The following ARSA variants were observed in gnomAD, a reference collection of about 807,000 sequenced individuals.
ARSA encodes cerebroside-sulfatase.
A neutral mutation model predicts 37.8 loss-of-function variants in ARSA; 32 were observed. That is an observed-to-expected ratio of 0.85 (90% CI 0.64 to 1.14). ARSA has a LOEUF of 1.14. Among genes scored for constraint, ARSA ranks in the 50% most tolerant of loss-of-function variants. The probability of loss-of-function intolerance (pLI) is 0.00; values close to 1 mark genes in which losing one functional copy is unlikely to be tolerated. For missense variants in ARSA, 685 were observed against 686.3 expected (o/e 1.00, Z 0.02); for synonymous variants, 303 against 303.4 (o/e 1.00, Z 0.01).
intron 4 of ARSA, 133 bp from the exon 5 acceptor site, chr22:50,626,411 C>T: frequency 6.7e-7 from 1 of 1,502,484 alleles, no homozygotes; most frequent in Non-Finnish European, 9.0e-7. Flanking sequence ...CCTCCCAGGC[C>T]TACCAAGACC....
chr22:50,626,624 T>C lies in ARSA; in HGVS notation c.821A>G (p.Glu274Gly). Residue 274 changes from glutamate (E) to glycine (G), a missense_variant, in exon 4 of 8, where the codon GAA (glutamate) becomes GGA (glycine). Coordinates refer to ENST00000216124, the MANE Select transcript of ARSA (RefSeq NM_000487.6). ...MTAIGDLGLL[E>G]ETLVIFTADN... is the part of the protein sequence containing the mutation. ...TGCAGTGAAGATGACCAGCGTCTCT[T>C]CAAGCAGCCCCAGGTCCCCTATGGC... is the stretch of plus-strand genomic sequence containing the variant. 6.2e-7 allele frequency: 1 copy of C among 1,613,944 alleles called. No homozygotes were observed. Among genetic ancestry groups the C allele is most frequent in the South Asian group, 1.1e-5 (1 of 91,086 alleles).
At position 50,627,901 on chromosome 22, in the gene ARSA, G is replaced by T; in HGVS notation, c.-122C>A. On this transcript the variant is annotated 5_prime_UTR_variant, in exon 1 of 8. Coordinates refer to ENST00000216124, the MANE Select transcript of ARSA (RefSeq NM_000487.6). Reference sequence around the variant, plus strand: ...CCGGACCCAAATACTCCCCGACCCTGACGGCCGCCTCCTGAAGCTCCAGAG... The same window carrying T: ...CCGGACCCAAATACTCCCCGACCCTTACGGCCGCCTCCTGAAGCTCCAGAG... The T allele has an allele frequency of 1.0e-6, 1 of 990,402 alleles. No individual in the cohort carries two copies. Among genetic ancestry groups the T allele is most frequent in the Non-Finnish European group, 1.5e-6 (1 of 685,648 alleles). The allele number at this position is 990,402 out of a possible 1,614,324, so 61.4% of individuals were successfully genotyped here.
chr22:50,626,494 C>A, intron 4 of ARSA, 97 bp downstream of exon 4: 1 of 1,574,298 alleles, frequency 6.4e-7, no homozygotes, highest in South Asian at 1.1e-5. Context: ...CTGGCACCCC[C>A]TCACCCACTA....
In ARSA at chr22:50,627,033, G is replaced by C. The variant is rs775002035; in HGVS notation, c.485C>G (p.Thr162Ser). 3 of 1,608,694 alleles carry C rather than the reference G, an allele frequency of 1.9e-6. No homozygotes were observed. The Admixed American group carries it at 5.0e-5, about 27-fold the overall frequency. ...SHDQGPCQNLTCFPPATPCDG... is the reference protein window; with the variant it reads ...SHDQGPCQNLSCFPPATPCDG... ...GCAAGGAGTGGCCGGCGGGAAGCAG[G>C]TCAGGTTCTGGCAGGGGCCCTGAGG... is the stretch of plus-strand genomic sequence containing the variant. The change falls in exon 3 of 8, where the codon ACC (threonine) becomes AGC (serine). Residue 162 changes from threonine (T) to serine (S), a missense_variant. Coordinates refer to ENST00000216124, the MANE Select transcript of ARSA (RefSeq NM_000487.6).
intron 6 of ARSA, 101 bp downstream of exon 6, chr22:50,625,835 G>A: frequency 6.5e-7 from 1 of 1,532,898 alleles, no homozygotes; most frequent in Middle Eastern, 2.0e-4. Flanking sequence ...ACTCAGTGCA[G>A]GAGGCACTGA....
Position 50,625,070 on chromosome 22 carries a change from C to T in ARSA, c.*75G>A, listed in dbSNP as rs1291233851. 3.5e-6 allele frequency: 5 copies of T among 1,425,634 alleles called. No homozygotes were observed. The East Asian group carries it at 7.5e-5, about 21-fold the overall frequency. The allele number at this position is 1,425,634 out of a possible 1,614,324, so 88.3% of individuals were successfully genotyped here. On this transcript the variant is annotated 3_prime_UTR_variant, in exon 8 of 8. Transcript: ENST00000216124. Reference sequence around the variant, plus strand: ...GTTATTACGTTATCAGGCACAAACCCCCTCCAGACACCTGAGCCTCCCCCA... The same window carrying T: ...GTTATTACGTTATCAGGCACAAACCTCCTCCAGACACCTGAGCCTCCCCCA...
Position 50,624,562 on chromosome 22 carries a change from C to T in ARSA, c.*583G>A, listed in dbSNP as rs2082632792. Among the ~76,000 whole-genome samples, 1 of 152,160 alleles carries T rather than the reference C, an allele frequency of 6.6e-6. No individual in the cohort carries two copies. The highest frequency in any genetic ancestry group is 1.5e-5 in the Non-Finnish European group (1 of 68,020). ...CTAGGAGCCAGCAGGGGCTCCAGGC[C>T]CCTTAGCCCCACCTGGAGTGTGCAA... is the stretch of plus-strand genomic sequence containing the variant. On this transcript the variant is annotated 3_prime_UTR_variant, in exon 8 of 8. Transcript: ENST00000216124.
In ARSA at chr22:50,625,592, G is replaced by A. The variant is rs752206330; in HGVS notation, c.1197C>T (p.His399=). Residue 399 remains histidine (H), a synonymous_variant, in exon 7 of 8, where the codon CAC becomes CAT. Transcript: ENST00000216124. ...FAVRTGKYKA[H]FFTQGSAHSD... ...GGGAGGGGTTACCCTGGGTGAAGAA[G>A]TGAGCCTTGTACTTTCCAGTCCGCA... 6 of 1,613,538 alleles carry A rather than the reference G, an allele frequency of 3.7e-6. No homozygotes were observed. The highest frequency in any genetic ancestry group is 5.1e-6 in the Non-Finnish European group (6 of 1,179,934).
rs115593886 is a variant in ARSA, at chr22:50,624,368, G to A, written c.*777C>T. 6.6e-6 allele frequency among the ~76,000 whole-genome samples: 1 copy of A among 152,234 alleles called. No homozygotes were observed. The highest frequency in any genetic ancestry group is 1.5e-5 in the Non-Finnish European group (1 of 68,050). Reference sequence around the variant, plus strand: ...TTACAGGCGTGAGCCACCGTGCCCAGCCAACAGATATTTTTAAGAGATCAC... The same window carrying A: ...TTACAGGCGTGAGCCACCGTGCCCAACCAACAGATATTTTTAAGAGATCAC... On this transcript the variant is annotated 3_prime_UTR_variant, in exon 8 of 8. Transcript: ENST00000216124.
chr22:50,627,379 C>G lies in ARSA; in HGVS notation c.252G>C (p.Pro84=). 1.2e-6 allele frequency: 2 copies of G among 1,605,922 alleles called. No homozygotes were observed. Among genetic ancestry groups the G allele is most frequent in the African/African-American group, 1.3e-5 (1 of 75,008 alleles). The change falls in exon 2 of 8, where the codon CCG becomes CCC. Residue 84 remains proline (P), a synonymous_variant. Coordinates refer to ENST00000216124, the MANE Select transcript of ARSA (RefSeq NM_000487.6). ...CGCCAGGGTACATGCCCATCCGAAC[C>G]GGGAGCCGGCCGGTCAGGAGGGCGG... ...SRAALLTGRL[P]VRMGMYPGVL...
Position 50,625,009 on chromosome 22 carries a change from T to C in ARSA, c.*136A>G. 1.8e-6 allele frequency: 2 copies of C among 1,088,844 alleles called. No homozygotes were observed. Among genetic ancestry groups the C allele is most frequent in the Non-Finnish European group, 2.5e-6 (2 of 785,938 alleles). 67.4% of individuals were successfully genotyped at this position (1,088,844 alleles called of 1,614,324 possible). A position where few individuals can be genotyped will look rare whatever the true frequency, so the allele number is the denominator to read the frequency against. ...ACCAGCACACAGCATTACCCCAGGATTGGACGAATTGTCACATCTGCAAGT... is the reference window on the plus strand; with the variant it reads ...ACCAGCACACAGCATTACCCCAGGACTGGACGAATTGTCACATCTGCAAGT... On this transcript the variant is annotated 3_prime_UTR_variant, in exon 8 of 8. Coordinates refer to ENST00000216124, the MANE Select transcript of ARSA (RefSeq NM_000487.6).
Position 50,624,998 on chromosome 22 carries a change from T to C in ARSA, c.*147A>G. The C allele has an allele frequency of 1.0e-6, 1 of 999,448 alleles. No individual in the cohort carries two copies. Among genetic ancestry groups the C allele is most frequent in the Non-Finnish European group, 1.4e-6 (1 of 706,104 alleles). 61.9% of individuals were successfully genotyped at this position (999,448 alleles called of 1,614,324 possible). ...AGGGGACCGGCACCAGCACACAGCA[T>C]TACCCCAGGATTGGACGAATTGTCA... On this transcript the variant is annotated 3_prime_UTR_variant, in exon 8 of 8. Coordinates refer to ENST00000216124, the MANE Select transcript of ARSA (RefSeq NM_000487.6).
At position 50,628,077 on chromosome 22, in the gene ARSA, G is replaced by C. The variant is rs1380116336; in HGVS notation, c.-298C>G. 5 of 418,356 alleles carry C rather than the reference G, an allele frequency of 1.2e-5. No individual in the cohort carries two copies. Among genetic ancestry groups the C allele is most frequent in the Non-Finnish European group, 1.3e-5 (3 of 226,042 alleles). 25.9% of individuals were successfully genotyped at this position (418,356 alleles called of 1,614,324 possible). ...GGCGTAAGTCACTTGGCGCTGACCAGCGGAGTCGGGCCGGGGGGAAGGCGC... is the reference window on the plus strand; with the variant it reads ...GGCGTAAGTCACTTGGCGCTGACCACCGGAGTCGGGCCGGGGGGAAGGCGC... On this transcript the variant is annotated 5_prime_UTR_variant, in exon 1 of 8. Transcript: ENST00000216124.
At chr22:50,627,452 C>T in intron 1 of ARSA, 46 bp from the exon 2 acceptor site, 1 of 1,606,094 alleles carries the variant, frequency 6.2e-7, no homozygotes, top group Admixed American at 1.7e-5. Flanking sequence ...GAAATGTGGC[C>T]TTCCCTAGAG....
Position 50,626,877 on chromosome 22 carries a change from G to A in ARSA, c.641C>T (p.Ala214Val), listed in dbSNP as rs74315467. 8.7e-5 allele frequency: 141 copies of A among 1,613,354 alleles called. No homozygotes were observed. Among genetic ancestry groups the A allele is most frequent in the Non-Finnish European group, 1.2e-4 (137 of 1,179,862 alleles). ...MAFAHDLMAD[A>V]QRQDRPFFLY... ...GAAGAAGGGGCGATCCTGGCGCTGG[G>A]CGTCGGCCATGAGGTCATGGGCGAA... The change falls in exon 3 of 8, where the codon GCC becomes GTC. Residue 214 changes from alanine (A) to valine (V), a missense_variant. Ala to Val is a moderately conservative substitution (Grantham distance 64, BLOSUM62 0). Transcript: ENST00000216124.
At position 50,627,544 on chromosome 22, in the gene ARSA, C is replaced by T. The variant is rs1162053328; in HGVS notation, c.224+12G>A. On this transcript the variant is annotated intron_variant, in intron 1 of 7. Transcript: ENST00000216124. The stretch of plus-strand genomic sequence containing the variant: ...GGGTCGGGGCGGGGAAGAGGCGCGG[C>T]CCCCTCTTTACCTAGAGGGTGTGCA... 3 of 1,559,840 alleles carry T rather than the reference C, an allele frequency of 1.9e-6. No homozygotes were observed. Among genetic ancestry groups the T allele is most frequent in the East Asian group, 2.4e-5 (1 of 41,928 alleles).
At position 50,627,061 on chromosome 22, in the gene ARSA, G is replaced by A; in HGVS notation, c.466-9C>T. 1 of 1,601,586 alleles carries A rather than the reference G, an allele frequency of 6.2e-7. No homozygotes were observed. Among genetic ancestry groups the A allele is most frequent in the African/African-American group, 1.3e-5 (1 of 74,880 alleles). The stretch of plus-strand genomic sequence containing the variant: ...AGGTTCTGGCAGGGGCCCTGAGGCG[G>A]GCAGCTGCCGTGAGGGCTGGGCTGG... On this transcript the variant is annotated splice_polypyrimidine_tract_variant and intron_variant, in intron 2 of 7. Transcript: ENST00000216124.
At position 50,626,726 on chromosome 22, in the gene ARSA, A is replaced by G; in HGVS notation, c.719T>C (p.Phe240Ser). The change falls in exon 4 of 8, where the codon TTT becomes TCT. Residue 240 changes from phenylalanine (F) to serine (S), a missense_variant. Phe to Ser is a radical substitution (Grantham distance 155, BLOSUM62 -2). Transcript: ENST00000216124. ...TGGCCCGCGGCCTGAACGCTCTGCA[A>G]AGCTCTGCCCACTGAACTGAGGGTA... is the stretch of plus-strand genomic sequence containing the variant. ...THYPQFSGQS[F>S]AERSGRGPFG... The G allele has an allele frequency of 6.2e-7, 1 of 1,614,060 alleles. No individual in the cohort carries two copies. Among genetic ancestry groups the G allele is most frequent in the Non-Finnish European group, 8.5e-7 (1 of 1,179,986 alleles).
chr22:50,627,169 G>A lies in ARSA; in HGVS notation c.462C>T (p.Asp154=), dbSNP rs758281151. Residue 154 remains aspartate (D), a synonymous_variant, in exon 2 of 8, where the codon GAC becomes GAT. Coordinates refer to ENST00000216124, the MANE Select transcript of ARSA (RefSeq NM_000487.6). ...TGAGGGCCCGGGTGGTTCCTACCTG[G>A]TCGTGGGAGTACGGGATGCCTAGAA... is the stretch of plus-strand genomic sequence containing the variant. The part of the protein sequence containing the change: ...HRFLGIPYSH[D]QGPCQNLTCF... 3 of 1,611,162 alleles carry A rather than the reference G, an allele frequency of 1.9e-6. 1 individual carries two copies. In the South Asian group the frequency reaches 3.3e-5, roughly 18 times the overall value.
Sources: gnomAD v4.1 joint callset for allele counts (sites outside exome capture counted in the v4.1 genomes callset) on GRCh38, gnomAD v4.1.1 for gene constraint, MANE v1.5 for transcripts, NCBI Gene and HGNC (gene_info 2026-07-23, HGNC 2026-07-21) for gene names.